Variants in DNAH11 observed in about 807,000 individuals in gnomAD.
DNAH11 encodes axonemal beta dynein heavy chain 11.
A neutral mutation model predicts 526.0 loss-of-function variants in DNAH11; 442 were observed. That is an observed-to-expected ratio of 0.84 (90% CI 0.78 to 0.91). The LOEUF (loss-of-function observed/expected upper bound fraction) is 0.91. Ranked by LOEUF, DNAH11 falls within the 40% of genes least tolerant of loss-of-function variation. The pLI is 0.00. For synonymous variants in DNAH11, 2,461 were observed against 1,935.9 expected (o/e 1.27, Z -7.12); for missense variants, 6,989 against 5,448.7 (o/e 1.28, Z -8.90).
At chr7:21,617,527 G>A in intron 22 of DNAH11, 92 bp from the exon 23 acceptor site, 1 of 1,413,718 alleles carries the variant, frequency 7.1e-7, no homozygotes. Context: ...TTCTAATCCA[G>A]GAGTTGGGAA....
chr7:21,750,305 G>A lies in DNAH11; in HGVS notation c.8881G>A (p.Val2961Ile). ...IHNEVHALGM[V>I]DSRENCWKFF... ...TAATGAAGTTCATGCTCTGGGCATG[G>A]TAGACTCCAGGGAAAACTGTTGGAA... Residue 2961 changes from valine (V) to isoleucine (I), a missense_variant, in exon 54 of 82, where the codon GTA becomes ATA. Val to Ile is a conservative substitution (Grantham distance 29). Coordinates refer to ENST00000409508, the MANE Select transcript of DNAH11 (RefSeq NM_001277115.2). 2 of 1,605,684 alleles carry A rather than the reference G, an allele frequency of 1.2e-6. No homozygotes were observed. Among genetic ancestry groups the A allele is most frequent in the South Asian group, 2.2e-5 (2 of 88,948 alleles).
chr7:21,588,117 C>T lies in DNAH11; in HGVS notation c.1764C>T (p.Phe588=). 6.2e-7 allele frequency: 1 copy of T among 1,613,388 alleles called. No individual in the cohort carries two copies. The change falls in exon 10 of 82, where the codon TTC becomes TTT. Residue 588 remains phenylalanine, a synonymous_variant. Transcript: ENST00000409508. ...FLEKPVVMEI[F]SLHYSTLVHM... is the part of the protein sequence containing the mutation. ...AGAAGCCAGTTGTCATGGAAATTTT[C>T]AGCCTACATTACAGCACACTAGTGC...
At chr7:21,758,061 C>T (rs1384644151) in intron 54 of DNAH11, among the ~76,000 whole-genome samples, 1 of 152,202 alleles carries the variant, frequency 6.6e-6, no homozygotes, top group South Asian at 2.1e-4. Context: ...CTTCACCCCT[C>T]CTGCAGCACA....
chr7:21,723,359 C>T (rs1435055958), intron 44 of DNAH11, among the ~76,000 whole-genome samples: 2 of 152,172 alleles, frequency 1.3e-5, no homozygotes, highest in Admixed American at 1.3e-4. Flanking sequence ...CATGTCTAAG[C>T]CAGGTTCAAA....
At chr7:21,561,797 A>G (rs1783469452) in intron 5 of DNAH11, among the ~76,000 whole-genome samples, 1 of 152,220 alleles carries the variant, frequency 6.6e-6, no homozygotes. Flanking sequence ...TTCTTTGCAC[A>G]TGTATAAGCA....
chr7:21,756,300 A>G (rs963674763), intron 54 of DNAH11, among the ~76,000 whole-genome samples: 7 of 152,202 alleles, frequency 4.6e-5, no homozygotes, highest in Admixed American at 4.6e-4. Context: ...CACTGATTTG[A>G]AATGATGTTT....
chr7:21,750,379 C>A lies in DNAH11; in HGVS notation c.8940+15C>A. On this transcript the variant is annotated intron_variant, in intron 54 of 81. Coordinates refer to ENST00000409508, the MANE Select transcript of DNAH11 (RefSeq NM_001277115.2). Reference sequence around the variant, plus strand: ...TACAGCTCAAAGTAAGAAATACTTGCTTAATTTGCATGTTAGTTAAAACCT... The same window carrying A: ...TACAGCTCAAAGTAAGAAATACTTGATTAATTTGCATGTTAGTTAAAACCT... 1 of 1,588,832 alleles carries A rather than the reference C, an allele frequency of 6.3e-7. No homozygotes were observed.
intron 35 of DNAH11, 84 bp from the exon 36 acceptor site, chr7:21,697,991 G>A: frequency 1.5e-6 from 2 of 1,360,578 alleles, no homozygotes; most frequent in Admixed American, 2.3e-5. Context: ...TTAAAATGTT[G>A]GTACGAAATA....
intron 68 of DNAH11, among the ~76,000 whole-genome samples, chr7:21,858,110 G>A (rs148466354): frequency 2.0e-5 from 3 of 152,216 alleles, no homozygotes; most frequent in Admixed American, 6.5e-5. Flanking sequence ...TAACACATGT[G>A]AATTATCCAC....
chr7:21,852,775 T>C, intron 67 of DNAH11, 144 bp downstream of exon 67: 2 of 759,400 alleles, frequency 2.6e-6, no homozygotes, highest in African/African-American at 1.8e-5. Flanking sequence ...GCAGTTGGAC[T>C]GTGTGGGATT....
At chr7:21,713,406 T>C (rs1202234605) in intron 42 of DNAH11, among the ~76,000 whole-genome samples, 1 of 152,090 alleles carries the variant, frequency 6.6e-6, no homozygotes, top group Non-Finnish European at 1.5e-5. Context: ...TTATTCTCCT[T>C]CCCAACAGGG....
chr7:21,736,241 A>G (rs1183329236), intron 46 of DNAH11, among the ~76,000 whole-genome samples: 1 of 152,234 alleles, frequency 6.6e-6, no homozygotes, highest in Non-Finnish European at 1.5e-5. Context: ...TGTTGAGTAA[A>G]TGACAGAGCC....
At chr7:21,637,786 G>GT (rs1304586171) in intron 27 of DNAH11, 84 bp downstream of exon 27, 1 of 774,272 alleles carries the variant, frequency 1.3e-6, no homozygotes, top group Non-Finnish European at 1.9e-6. Context: ...TTAATACTGT[G>GT]TTATGGAGGT....
intron 26 of DNAH11, among the ~76,000 whole-genome samples, chr7:21,636,687 T>C (rs1459532235): frequency 6.6e-6 from 1 of 152,142 alleles, no homozygotes; most frequent in African/African-American, 2.4e-5. Flanking sequence ...TGCAGTGAGC[T>C]ATGACTGCAG....
chr7:21,738,239 T>C (rs549418821), intron 46 of DNAH11, among the ~76,000 whole-genome samples: 1 of 152,304 alleles, frequency 6.6e-6, no homozygotes, highest in South Asian at 2.1e-4. Context: ...CACACACTGT[T>C]CTTGTGCCTC....
chr7:21,616,487 T>C (rs1254967069), intron 22 of DNAH11, among the ~76,000 whole-genome samples, 195 bp downstream of exon 22: 1 of 152,094 alleles, frequency 6.6e-6, no homozygotes, highest in African/African-American at 2.4e-5. Flanking sequence ...AGTGAGTTGA[T>C]AGAAGCATAT....
chr7:21,796,409 A>C (rs560405269), intron 61 of DNAH11, among the ~76,000 whole-genome samples: 2 of 152,322 alleles, frequency 1.3e-5, no homozygotes, highest in African/African-American at 4.8e-5. Flanking sequence ...GCCAATGAAC[A>C]AAGGGGAAGA....
intron 9 of DNAH11, among the ~76,000 whole-genome samples, chr7:21,584,857 CAG>C (rs1784431552): frequency 6.6e-6 from 1 of 151,912 alleles, no homozygotes; most frequent in Non-Finnish European, 1.5e-5. Context: ...GCCTTTATAA[CAG>C]AATTCAAGTA....
chr7:21,809,233 T>C (rs1244364072), intron 63 of DNAH11, among the ~76,000 whole-genome samples: 1 of 152,244 alleles, frequency 6.6e-6, no homozygotes, highest in Non-Finnish European at 1.5e-5. Context: ...GATCAAGTTT[T>C]TTGCTTTATT....
Sources: allele counts gnomAD v4.1 joint callset (sites outside exome capture counted in the v4.1 genomes callset), GRCh38; gene constraint gnomAD v4.1.1; transcripts MANE v1.5; gene names NCBI Gene and HGNC (gene_info 2026-07-23, HGNC 2026-07-21).